The following LCTL variants were observed in gnomAD, a reference collection of about 807,000 sequenced individuals.
LCTL encodes the protein lactase like.
A neutral mutation model predicts 75.8 loss-of-function variants in LCTL; 76 were observed. The ratio of observed to expected loss-of-function variants is 1.00; its 90% CI spans 0.83 to 1.21. The LOEUF is 1.21. Ranked by LOEUF, LCTL falls within the 50% of genes most tolerant of loss-of-function variation. LCTL has a pLI of 0.00. For synonymous variants in LCTL, 271 were observed against 268.8 expected, an observed-to-expected ratio of 1.01 and a Z score of -0.08; for missense variants, 670 against 712.4, an observed-to-expected ratio of 0.94 and a Z score of 0.68.
At chr15:66,564,406 C>A (rs1458279512) in intron 2 of LCTL, 1 of 490,692 alleles carries the variant, frequency 2.0e-6, no homozygotes, top group Non-Finnish European at 3.6e-6. Flanking sequence ...CCCTTCAGCT[C>A]CCCCTTCACT....
At chr15:66,554,554 A>G (rs530344402) in intron 8 of LCTL, among the ~76,000 whole-genome samples, 38 of 152,346 alleles carry the variant, frequency 2.5e-4, no homozygotes, top group African/African-American at 8.9e-4. Flanking sequence ...CCCATCTTTC[A>G]AAGTTGTAAA....
chr15:66,561,903 G>C (rs532856180), intron 4 of LCTL, among the ~76,000 whole-genome samples: 1 of 151,978 alleles, frequency 6.6e-6, no homozygotes, highest in African/African-American at 2.4e-5. Flanking sequence ...CTCAGCACTC[G>C]AGGCCTTCGA....
chr15:66,561,105 T>G lies in LCTL; in HGVS notation c.610-4A>C. The G allele has an allele frequency of 8.1e-6, 13 of 1,614,070 alleles. No individual in the cohort carries two copies. Among genetic ancestry groups the G allele is most frequent in the Non-Finnish European group, 1.1e-5 (13 of 1,179,994 alleles). On this transcript the variant is annotated splice_polypyrimidine_tract_variant and splice_region_variant and intron_variant, in intron 5 of 12. Coordinates refer to ENST00000341509, the Ensembl canonical transcript of LCTL. Reference sequence around the variant, plus strand: ...CATAGCCTTTTTCTGCCATTGCCTATAGGGACAGCAAGCAGGACCACAGGA... The same window carrying G: ...CATAGCCTTTTTCTGCCATTGCCTAGAGGGACAGCAAGCAGGACCACAGGA...
chr15:66,557,782 C>T (rs1421876843), exon 8 of LCTL: 1 of 1,613,966 alleles, frequency 6.2e-7, no homozygotes, highest in African/African-American at 1.3e-5. Flanking sequence ...GCAAACCAGC[C>T]CAGACAGAAC....
chr15:66,555,390 A>T (rs1895717095), intron 8 of LCTL, among the ~76,000 whole-genome samples: 1 of 152,098 alleles, frequency 6.6e-6, no homozygotes, highest in Admixed American at 6.6e-5. Flanking sequence ...AAAATACAAA[A>T]ATTAGCTGAG....
chr15:66,558,597 A>G (rs1895796663), intron 6 of LCTL, among the ~76,000 whole-genome samples: 1 of 152,004 alleles, frequency 6.6e-6, no homozygotes, highest in African/African-American at 2.4e-5. Flanking sequence ...CTTAATAGAC[A>G]TGCAAATCCA....
rs776313788 is a variant in LCTL, at chr15:66,551,847, C to T, written c.1339G>A (p.Ala447Thr). The T allele has an allele frequency of 1.9e-6, 3 of 1,611,574 alleles. No individual in the cohort carries two copies. The highest frequency in any genetic ancestry group is 2.5e-6 in the Non-Finnish European group (3 of 1,178,894). Residue 447 changes from alanine to threonine, a missense_variant, in exon 11 of 13, where the codon GCT becomes ACT. By Grantham distance (58) the Ala-to-Thr change is moderately conservative. Coordinates refer to ENST00000341509, the Ensembl canonical transcript of LCTL. Reference sequence around the variant, plus strand: ...CAGGAAGTATACCCCTTTATATTAGCACCATCTTTTATAGCTGCAAAGACA... The same window carrying T: ...CAGGAAGTATACCCCTTTATATTAGTACCATCTTTTATAGCTGCAAAGACA...
chr15:66,562,359 T>A (rs906867579), intron 4 of LCTL, among the ~76,000 whole-genome samples: 3 of 148,210 alleles, frequency 2.0e-5, no homozygotes, highest in South Asian at 2.2e-4. Context: ...GCCGAGATCA[T>A]GCCACTGCAC....
Position 66,557,996 on chromosome 15 carries a change from C to T in LCTL, c.746G>A (p.Arg249His), listed in dbSNP as rs745541277. The T allele has an allele frequency of 2.2e-5, 36 of 1,607,248 alleles. No homozygotes were observed. The South Asian group carries it at 2.9e-4, about 13-fold the overall frequency. Reference sequence around the variant, plus strand: ...CCACAGCTCACCTTGCTGCTTGCTGCGCCACGTGGTGTTATAAGAATGCCA... The same window carrying T: ...CCACAGCTCACCTTGCTGCTTGCTGTGCCACGTGGTGTTATAAGAATGCCA... The change falls in exon 7 of 13, where the codon CGC (arginine) becomes CAC (histidine). Residue 249 changes from arginine (R) to histidine (H), a missense_variant. Arg to His is a conservative substitution (Grantham distance 29, BLOSUM62 0). Coordinates refer to ENST00000341509, the Ensembl canonical transcript of LCTL.
intron 6 of LCTL, among the ~76,000 whole-genome samples, chr15:66,559,415 A>T (rs1895825809): frequency 6.6e-6 from 1 of 152,222 alleles, no homozygotes; most frequent in African/African-American, 2.4e-5. Flanking sequence ...TATCAGAATC[A>T]CATCTCTTCA....
At chr15:66,557,920 G>GCA (rs776748790) in intron 7 of LCTL, 37 bp from the exon 9 acceptor site, 107 of 1,609,938 alleles carry the variant, frequency 6.6e-5, no homozygotes, top group Non-Finnish European at 8.4e-5. Flanking sequence ...TGGGGAGTGG[G>GCA]CATGCCATTG....
At chr15:66,561,864 A>G (rs1189928129) in intron 4 of LCTL, among the ~76,000 whole-genome samples, 2 of 152,126 alleles carry the variant, frequency 1.3e-5, no homozygotes, top group Admixed American at 1.3e-4. Context: ...CCATTCCCAC[A>G]GAATAAACCC....
exon 13 of LCTL, chr15:66,548,280 G>C: frequency 2.7e-6 from 1 of 366,300 alleles, no homozygotes; most frequent in Non-Finnish European, 4.9e-6. Flanking sequence ...TTAACTTTAG[G>C]AGGGGTGAGA....
intron 8 of LCTL, among the ~76,000 whole-genome samples, chr15:66,553,885 A>G (rs1895679672): frequency 6.6e-6 from 1 of 150,818 alleles, no homozygotes; most frequent in Non-Finnish European, 1.5e-5. Flanking sequence ...GCCGGGTGCA[A>G]TGGCTCACGC....
At chr15:66,564,574 A>G in intron 2 of LCTL, 102 bp downstream of exon 3, 1 of 1,339,412 alleles carries the variant, frequency 7.5e-7, no homozygotes, top group Non-Finnish European at 1.0e-6. Context: ...TGACATTGTC[A>G]TCAGAGCTCC....
chr15:66,553,646 T>A (rs1895669853), intron 8 of LCTL, among the ~76,000 whole-genome samples: 1 of 151,594 alleles, frequency 6.6e-6, no homozygotes, highest in African/African-American at 2.4e-5. Context: ...TCCCAGCTAC[T>A]TGGGAGGCTG....
At chr15:66,550,003 T>C (rs769590955) in intron 12 of LCTL, 38 bp downstream of exon 13, 7 of 1,412,326 alleles carry the variant, frequency 5.0e-6, no homozygotes, top group Non-Finnish European at 6.8e-6. Flanking sequence ...TTATTTAGTT[T>C]AATTATTAAA....
At chr15:66,559,424 C>G (rs1895825994) in intron 6 of LCTL, among the ~76,000 whole-genome samples, 1 of 152,194 alleles carries the variant, frequency 6.6e-6, no homozygotes. Context: ...CACATCTCTT[C>G]AGGCCGGGTG....
At position 66,565,275 on chromosome 15, in the gene LCTL, A is replaced by G. The variant is rs145934236; in HGVS notation, c.91T>C (p.Ser31Pro). The G allele has an allele frequency of 2.9e-3, 4,642 of 1,612,822 alleles. 7 individuals are homozygous for G. Among genetic ancestry groups the G allele is most frequent in the Non-Finnish European group, 3.5e-3 (4,143 of 1,178,942 alleles). ...AGAGGGAAGGTTCCATAGTAGAAGG[A>G]GGCCTCTTCTGGGGACCCCTTCCGG... The change falls in exon 1 of 13, where the codon TCC becomes CCC. Residue 31 changes from serine to proline, a missense_variant. Physicochemically the swap from Ser to Pro is moderately conservative, Grantham distance 74. Coordinates refer to ENST00000341509, the Ensembl canonical transcript of LCTL.
Sources: gnomAD v4.1 joint callset for allele counts (sites outside exome capture counted in the v4.1 genomes callset) on GRCh38, gnomAD v4.1.1 for gene constraint, MANE v1.5 for transcripts, NCBI Gene and HGNC (gene_info 2026-07-23, HGNC 2026-07-21) for gene names.